Variants in PPP6R3 observed in about 807,000 individuals in gnomAD.
PPP6R3 encodes protein phosphatase 6 regulatory subunit 3, also known as serine/threonine-protein phosphatase 6 regulatory subunit 3.
Under a neutral mutation model 110.7 loss-of-function variants are expected in PPP6R3, and 38 were observed. The ratio of observed to expected loss-of-function variants is 0.34; its 90% CI spans 0.26 to 0.45. PPP6R3 has a LOEUF of 0.45. Ranked by LOEUF, PPP6R3 falls within the 20% of genes least tolerant of loss-of-function variation. The probability of loss-of-function intolerance (pLI) is 1.00; values close to 1 mark genes in which losing one functional copy is unlikely to be tolerated. For synonymous variants in PPP6R3, 369 were observed against 373.5 expected (o/e 0.99, Z 0.14); for missense variants, 870 against 1,062.4 (o/e 0.82, Z 2.52).
At chr11:68,468,416 C>T (rs2098764381) in intron 1 of PPP6R3, among the ~76,000 whole-genome samples, 1 of 152,176 alleles carries the variant, frequency 6.6e-6, no homozygotes, top group Non-Finnish European at 1.5e-5. Flanking sequence ...AGACCCTGCC[C>T]CTTCTGAGTA....
At chr11:68,570,956 T>C in intron 11 of PPP6R3, 84 bp from the exon 12 acceptor site, 1 of 1,482,596 alleles carries the variant, frequency 6.7e-7, no homozygotes, top group South Asian at 1.3e-5. Context: ...CATACTACTA[T>C]TCTCTTTAAC....
intron 2 of PPP6R3, among the ~76,000 whole-genome samples, chr11:68,525,150 G>A (rs1454145478): frequency 1.3e-5 from 2 of 152,220 alleles, no homozygotes; most frequent in East Asian, 3.8e-4. Context: ...TCAGTAGTAA[G>A]TCATTTGAAC....
intron 1 of PPP6R3, among the ~76,000 whole-genome samples, chr11:68,506,259 C>T (rs760264691): frequency 6.6e-6 from 1 of 150,888 alleles, no homozygotes; most frequent in Non-Finnish European, 1.5e-5. Flanking sequence ...GCATGCACCA[C>T]CACGCCTGGC....
intron 19 of PPP6R3, 120 bp downstream of exon 19, chr11:68,596,338 C>A: frequency 7.2e-7 from 1 of 1,385,772 alleles, no homozygotes; most frequent in Non-Finnish European, 1.0e-6. Context: ...TGGGTTGAAG[C>A]GTGTTGTCAA....
In PPP6R3 at chr11:68,589,223, CAAT is replaced by C. The variant is rs897584081; in HGVS notation, c.1730+1214_1730+1216del. Among the ~76,000 whole-genome samples the C allele has an allele frequency of 1.8e-4, 27 of 151,920 alleles. No homozygotes were observed. In the South Asian group the frequency reaches 3.3e-3, roughly 19 times the overall value. ...GACCCTGTCTCAATAATAACAATAA[CAAT>C]AATAATAATAATAAAATTATTAATC... On this transcript the variant is annotated intron_variant, in intron 16 of 23. Coordinates refer to ENST00000393800, the MANE Select transcript of PPP6R3 (RefSeq NM_001164161.2).
At chr11:68,574,479 C>T (rs2099522702) in intron 13 of PPP6R3, among the ~76,000 whole-genome samples, 1 of 152,152 alleles carries the variant, frequency 6.6e-6, no homozygotes, top group Non-Finnish European at 1.5e-5. Context: ...TAAGAGTCAC[C>T]TATTGTCATT....
At chr11:68,583,414 T>A (rs947593353) in intron 15 of PPP6R3, among the ~76,000 whole-genome samples, 1 of 152,228 alleles carries the variant, frequency 6.6e-6, no homozygotes, top group African/African-American at 2.4e-5. Context: ...TCACACATGC[T>A]TGTTACACAG....
At chr11:68,563,349 C>T (rs544233108) in intron 8 of PPP6R3, among the ~76,000 whole-genome samples, 1 of 152,184 alleles carries the variant, frequency 6.6e-6, no homozygotes, top group Non-Finnish European at 1.5e-5. Context: ...CTTGTGACCC[C>T]TCTGCATCCT....
intron 14 of PPP6R3, among the ~76,000 whole-genome samples, chr11:68,577,189 A>T (rs2099535081): frequency 6.6e-6 from 1 of 152,336 alleles, no homozygotes; most frequent in East Asian, 1.9e-4. Flanking sequence ...TGACATTAGT[A>T]TTGACAGCCC....
chr11:68,613,343 T>G lies in PPP6R3; in HGVS notation c.*226T>G. ...CCAAGAATTTTTGCGTATGTTTATA[T>G]TGTATTGTTCTAAATAATGGGTAGC... On this transcript the variant is annotated 3_prime_UTR_variant, in exon 24 of 24. Transcript: ENST00000393800. 1 of 1,319,854 alleles carries G rather than the reference T, an allele frequency of 7.6e-7. No individual in the cohort carries two copies. The highest frequency in any genetic ancestry group is 9.7e-7 in the Non-Finnish European group (1 of 1,035,982). 81.8% of individuals were successfully genotyped at this position (1,319,854 alleles called of 1,614,324 possible).
At chr11:68,559,122 T>A (rs906338750) in intron 8 of PPP6R3, among the ~76,000 whole-genome samples, 7 of 152,346 alleles carry the variant, frequency 4.6e-5, no homozygotes, top group Non-Finnish European at 1.0e-4. Context: ...ACTTAGGCCT[T>A]CAGGTGGTGT....
chr11:68,572,325 C>G (rs546826717), intron 12 of PPP6R3, among the ~76,000 whole-genome samples: 20 of 152,154 alleles, frequency 1.3e-4, no homozygotes, highest in Non-Finnish European at 2.9e-4. Flanking sequence ...TTTCTGGAGG[C>G]CTGGTGAATA....
At position 68,558,696 on chromosome 11, in the gene PPP6R3, T is replaced by C. The variant is rs1226889267; in HGVS notation, c.845+17T>C. ...ACGACCAACGTAAGCTTTTCTTATA[T>C]CTTACAAAATGAACCATGTTGTTTT... On this transcript the variant is annotated intron_variant, in intron 8 of 23. Transcript: ENST00000393800. 3 of 1,548,176 alleles carry C rather than the reference T, an allele frequency of 1.9e-6. No individual in the cohort carries two copies. Among genetic ancestry groups the C allele is most frequent in the Non-Finnish European group, 2.7e-6 (3 of 1,123,424 alleles).
At chr11:68,517,752 A>G (rs2099144134) in intron 1 of PPP6R3, among the ~76,000 whole-genome samples, 1 of 152,164 alleles carries the variant, frequency 6.6e-6, no homozygotes, top group African/African-American at 2.4e-5. Flanking sequence ...AGCCTGGCCA[A>G]CATGGTGAAA....
intron 2 of PPP6R3, among the ~76,000 whole-genome samples, chr11:68,520,922 C>T (rs2099161179): frequency 6.6e-6 from 1 of 152,120 alleles, no homozygotes; most frequent in Admixed American, 6.5e-5. Context: ...CAGGCGTGCA[C>T]CACCACGCCC....
At chr11:68,608,683 C>T (rs1348082907) in intron 22 of PPP6R3, among the ~76,000 whole-genome samples, 1 of 152,194 alleles carries the variant, frequency 6.6e-6, no homozygotes, top group Non-Finnish European at 1.5e-5. Flanking sequence ...AGGTGCACGC[C>T]ACGGGTGCTG....
intron 1 of PPP6R3, among the ~76,000 whole-genome samples, chr11:68,464,486 G>T (rs1271383758): frequency 6.6e-6 from 1 of 152,114 alleles, no homozygotes; most frequent in Non-Finnish European, 1.5e-5. Flanking sequence ...CTGAATTTTG[G>T]AACCACTGTT....
At chr11:68,532,402 AATCTT>A (rs1565649519) in intron 2 of PPP6R3, among the ~76,000 whole-genome samples, 1 of 152,196 alleles carries the variant, frequency 6.6e-6, no homozygotes, top group Non-Finnish European at 1.5e-5. Flanking sequence ...CTGCTTTCTT[AATCTT>A]AGCCCTTTTG....
At chr11:68,474,305 CAA>C (rs1348003299) in intron 1 of PPP6R3, among the ~76,000 whole-genome samples, 1 of 152,202 alleles carries the variant, frequency 6.6e-6, no homozygotes, top group Non-Finnish European at 1.5e-5. Context: ...CTTGGCCTCT[CAA>C]AGTGTTGGGA....
Sources: allele counts gnomAD v4.1 joint callset (sites outside exome capture counted in the v4.1 genomes callset), GRCh38; gene constraint gnomAD v4.1.1; transcripts MANE v1.5; gene names NCBI Gene and HGNC (gene_info 2026-07-23, HGNC 2026-07-21).